The following RAI14 variants were observed in gnomAD, a reference collection of about 807,000 sequenced individuals.
RAI14 encodes the protein retinoic acid induced 14.
RAI14 carries 45 observed loss-of-function variants against 115.4 expected under a neutral mutation model. That is an observed-to-expected ratio of 0.39 (90% CI 0.31 to 0.50). RAI14 has a LOEUF of 0.50. RAI14 is among the 20% of genes least tolerant of loss of function. RAI14 has a pLI of 0.85. For missense variants in RAI14, 939 were observed against 1,131.2 expected (o/e 0.83, Z 2.44); for synonymous variants, 371 against 415.4 (o/e 0.89, Z 1.30).
rs759081410 is a variant in RAI14 at position 34,824,599 on chromosome 5, C to T, written c.2649+108C>T. 5.6e-6 allele frequency: 5 copies of T among 894,984 alleles called. No homozygotes were observed. The South Asian group carries it at 8.5e-5, about 15-fold the overall frequency. The allele number at this position is 894,984 out of a possible 1,614,324, so 55.4% of individuals were successfully genotyped here. The stretch of plus-strand genomic sequence containing the variant: ...TTGGCACTAAACTGGAGTGAATGCT[C>T]AGAGGCTCTGCACATGAACTTTATC... On this transcript the variant is annotated intron_variant, in intron 15 of 17. Coordinates refer to ENST00000265109, the MANE Select transcript of RAI14 (RefSeq NM_015577.3).
intron 2 of RAI14, among the ~76,000 whole-genome samples, chr5:34,722,279 C>T (rs1245285112): frequency 1.3e-5 from 2 of 148,416 alleles, no homozygotes; most frequent in Non-Finnish European, 3.0e-5. Flanking sequence ...TATCCTTATA[C>T]AAGGAGAAAA....
intron 1 of RAI14, among the ~76,000 whole-genome samples, chr5:34,684,135 T>C (rs1398909456): frequency 6.6e-6 from 1 of 152,190 alleles, no homozygotes; most frequent in East Asian, 1.9e-4. Flanking sequence ...TCTACTTTGA[T>C]TCCTCAAAAG....
At chr5:34,685,555 C>T (rs1744774467) in intron 1 of RAI14, 1 of 149,448 alleles carries the variant, frequency 6.7e-6, no homozygotes, top group Non-Finnish European at 1.5e-5. Context: ...ACCTATACCC[C>T]CCAAACTATT....
chr5:34,697,108 C>G (rs1739342990), intron 2 of RAI14, among the ~76,000 whole-genome samples: 5 of 149,080 alleles, frequency 3.4e-5, no homozygotes, highest in Admixed American at 3.3e-4. Flanking sequence ...TCTAGCCTGG[C>G]CGACAGAGTA....
chr5:34,824,474 G>A lies in RAI14; in HGVS notation c.2632G>A (p.Glu878Lys). ...CGCTGAGAGCTCTTCAAAACTGGAG[G>A]AAGATAAAGATAAAAAGGTTGGTGA... Reference protein sequence around the residue: ...RYAESSSKLEEDKDKKINEMS... With the variant: ...RYAESSSKLEKDKDKKINEMS... Residue 878 changes from glutamate to lysine, a missense_variant, in exon 15 of 18, where the codon GAA becomes AAA. Glu to Lys is a moderately conservative substitution (Grantham distance 56). Transcript: ENST00000265109. The A allele has an allele frequency of 6.3e-7, 1 of 1,575,646 alleles. No individual in the cohort carries two copies. The highest frequency in any genetic ancestry group is 8.6e-7 in the Non-Finnish European group (1 of 1,161,356).
In RAI14 at chr5:34,660,792, TC is replaced by T. The variant is rs1742630704; in HGVS notation, c.-49+4320del. 1.3e-5 allele frequency among the ~76,000 whole-genome samples: 2 copies of T among 151,602 alleles called. 1 individual carries two copies. Among genetic ancestry groups the T allele is most frequent in the African/African-American group, 4.9e-5 (2 of 41,226 alleles). On this transcript the variant is annotated intron_variant, in intron 1 of 17. Transcript: ENST00000265109. ...CTGGGCACATTCTTTTTTTTTTTTT[TC>T]CCTAAGTTCATGTCAGACACATGTT...
At chr5:34,712,708 T>C (rs1741535137) in intron 2 of RAI14, among the ~76,000 whole-genome samples, 1 of 152,152 alleles carries the variant, frequency 6.6e-6, no homozygotes, top group South Asian at 2.1e-4. Flanking sequence ...TGCTAGATAT[T>C]AACAGGTGTC....
chr5:34,712,360 AT>A (rs1741497325), intron 2 of RAI14, among the ~76,000 whole-genome samples: 1 of 152,214 alleles, frequency 6.6e-6, no homozygotes, highest in Non-Finnish European at 1.5e-5. Context: ...GAGTTCCAAG[AT>A]GATTGGAACA....
intron 3 of RAI14, among the ~76,000 whole-genome samples, chr5:34,765,527 A>G (rs923372942): frequency 6.6e-6 from 1 of 152,214 alleles, no homozygotes; most frequent in African/African-American, 2.4e-5. Flanking sequence ...GATTTGTGGA[A>G]ATTTGAACTT....
chr5:34,810,493 A>G (rs1755450930), intron 7 of RAI14, among the ~76,000 whole-genome samples: 1 of 152,228 alleles, frequency 6.6e-6, no homozygotes, highest in Non-Finnish European at 1.5e-5. Flanking sequence ...TGTTAGTAAC[A>G]GACATAGGCT....
At chr5:34,687,467 A>G (rs1737991500) in intron 2 of RAI14, 4 of 1,052,842 alleles carry the variant, frequency 3.8e-6, no homozygotes, top group Non-Finnish European at 5.0e-6. Flanking sequence ...ACTCGTACTC[A>G]TTTGTTATCT....
At chr5:34,782,795 T>G (rs1405670571) in intron 3 of RAI14, among the ~76,000 whole-genome samples, 1 of 152,210 alleles carries the variant, frequency 6.6e-6, no homozygotes, top group Non-Finnish European at 1.5e-5. Flanking sequence ...CTGAACATAG[T>G]GTGGCCATGA....
chr5:34,756,054 C>G (rs1404015484), intron 2 of RAI14, among the ~76,000 whole-genome samples: 2 of 152,134 alleles, frequency 1.3e-5, no homozygotes, highest in African/African-American at 4.8e-5. Context: ...GGACAGAGTC[C>G]TAAAAACTGG....
Position 34,790,714 on chromosome 5 carries a change from T to TTA in RAI14, c.168-5216_168-5215dup, listed in dbSNP as rs999638768. Reference sequence around the variant, plus strand: ...TAATAGTAGAATATGGTACAAGGTATTATATATATAAGATGTATAGTGTGT... The same window carrying TTA: ...TAATAGTAGAATATGGTACAAGGTATTATATATATATAAGATGTATAGTGTGT... On this transcript the variant is annotated intron_variant, in intron 3 of 17. Coordinates refer to ENST00000265109, the MANE Select transcript of RAI14 (RefSeq NM_015577.3). Among the ~76,000 whole-genome samples, 2 of 150,574 alleles carry TTA rather than the reference T, an allele frequency of 1.3e-5. 1 individual carries two copies.
chr5:34,679,666 A>G (rs1744246650), intron 1 of RAI14, among the ~76,000 whole-genome samples: 2 of 152,186 alleles, frequency 1.3e-5, no homozygotes, highest in Non-Finnish European at 2.9e-5. Context: ...AGGTAGGCTT[A>G]GCACGTGACT....
intron 2 of RAI14, among the ~76,000 whole-genome samples, chr5:34,745,668 C>T (rs879343637): frequency 2.0e-5 from 3 of 152,202 alleles, no homozygotes; most frequent in Admixed American, 1.3e-4. Flanking sequence ...CCATCCTACC[C>T]GATGCCTCCA....
chr5:34,752,703 A>ATGTGTGTGTGTGTGTGTG (rs71600953), intron 2 of RAI14, among the ~76,000 whole-genome samples: 70 of 83,000 alleles, frequency 8.4e-4, no homozygotes, highest in Non-Finnish European at 1.3e-3. Context: ...TCTTACATAT[A>ATGTGTGTGTGTGTGTGTG]TGTGTGTGTG....
In RAI14 at chr5:34,803,569, AAC is replaced by A. The variant is rs1491531823; in HGVS notation, c.257-141_257-140del. On this transcript the variant is annotated intron_variant, in intron 4 of 17. Coordinates refer to ENST00000265109, the MANE Select transcript of RAI14 (RefSeq NM_015577.3). ...GAGACCCTGTCTCAAAAAACAAAAA[AAC>A]AAACAAACAAAAAAACACAGTTCCG... 472 of 683,008 alleles carry A rather than the reference AAC, an allele frequency of 6.9e-4. 2 individuals carry two copies. The highest frequency in any genetic ancestry group is 2.7e-3 in the Middle Eastern group (6 of 2,186). 42.3% of individuals were successfully genotyped at this position (683,008 alleles called of 1,614,324 possible).
At chr5:34,822,370 C>T (rs1230350688) in intron 14 of RAI14, among the ~76,000 whole-genome samples, 1 of 149,954 alleles carries the variant, frequency 6.7e-6, no homozygotes, top group Non-Finnish European at 1.5e-5. Context: ...AATAGCTGTA[C>T]TATATATCCA....
Sources: allele counts gnomAD v4.1 joint callset (sites outside exome capture counted in the v4.1 genomes callset), GRCh38; gene constraint gnomAD v4.1.1; transcripts MANE v1.5; gene names NCBI Gene and HGNC (gene_info 2026-07-23, HGNC 2026-07-21).